The following MAGI2 variants were observed in gnomAD, a reference collection of about 807,000 sequenced individuals.
MAGI2 encodes membrane-associated guanylate kinase, WW and PDZ domain-containing protein 2.
MAGI2 carries 35 observed loss-of-function variants against 133.3 expected under a neutral mutation model. The ratio of observed to expected loss-of-function variants is 0.26; its 90% CI spans 0.20 to 0.35. MAGI2 has a LOEUF of 0.35. Among genes scored for constraint, MAGI2 ranks in the 10% least tolerant of loss-of-function variants. The pLI is 1.00. For synonymous variants in MAGI2, 729 were observed against 710.6 expected, an observed-to-expected ratio of 1.03 and a Z score of -0.41; for missense variants, 1,636 against 1,863.4, an observed-to-expected ratio of 0.88 and a Z score of 2.25.
chr7:79,161,340 T>C (rs1824336127), intron 1 of MAGI2, among the ~76,000 whole-genome samples: 1 of 152,006 alleles, frequency 6.6e-6, no homozygotes, highest in Non-Finnish European at 1.5e-5. Flanking sequence ...GGACAAATCC[T>C]CCAGTGCATG....
intron 1 of MAGI2, among the ~76,000 whole-genome samples, chr7:79,392,216 C>G (rs533993699): frequency 6.6e-6 from 1 of 152,128 alleles, no homozygotes; most frequent in African/African-American, 2.4e-5. Flanking sequence ...GCATAGTATT[C>G]CATGGTGTAC....
At chr7:78,135,486 G>A (rs1232650484) in intron 16 of MAGI2, among the ~76,000 whole-genome samples, 1 of 152,164 alleles carries the variant, frequency 6.6e-6, no homozygotes, top group East Asian at 1.9e-4. Flanking sequence ...TAAAAAGACA[G>A]CTATTTGGGC....
intron 3 of MAGI2, among the ~76,000 whole-genome samples, chr7:78,592,865 C>G (rs113575399): frequency 1.5e-5 from 2 of 132,812 alleles, no homozygotes; most frequent in Non-Finnish European, 3.1e-5. Context: ...GACAGGGTCT[C>G]GCTCTGTTGC....
At chr7:79,014,923 C>A (rs1808536314) in intron 1 of MAGI2, among the ~76,000 whole-genome samples, 1 of 152,086 alleles carries the variant, frequency 6.6e-6, no homozygotes, top group African/African-American at 2.4e-5. Context: ...AAAAATATCA[C>A]AATTGTTTTT....
chr7:79,277,936 G>A (rs1317136691), intron 1 of MAGI2, among the ~76,000 whole-genome samples: 2 of 152,062 alleles, frequency 1.3e-5, no homozygotes, highest in Non-Finnish European at 2.9e-5. Flanking sequence ...GTGACAATTA[G>A]CAAAAACAGG....
rs538296888 is a variant in MAGI2, at chr7:79,435,561, C to A, written c.301+17459G>T. ...TTAATTTATAGCATAATTAGTAGGACATACAGTTTAAAATACTCTACTTTT... is the reference window on the plus strand; with the variant it reads ...TTAATTTATAGCATAATTAGTAGGAAATACAGTTTAAAATACTCTACTTTT... On this transcript the variant is annotated intron_variant, in intron 1 of 21. Transcript: ENST00000354212. Among the ~76,000 whole-genome samples the A allele has an allele frequency of 2.6e-5, 4 of 152,206 alleles. No individual in the cohort carries two copies. The South Asian group carries it at 8.3e-4, about 32-fold the overall frequency.
intron 1 of MAGI2, among the ~76,000 whole-genome samples, chr7:79,322,630 C>T (rs1349819811): frequency 6.6e-6 from 1 of 151,756 alleles, no homozygotes; most frequent in Non-Finnish European, 1.5e-5. Flanking sequence ...ACTAAAAATA[C>T]AAAAATTAGC....
At chr7:78,932,325 G>GA (rs1305464752) in intron 2 of MAGI2, among the ~76,000 whole-genome samples, 1 of 152,070 alleles carries the variant, frequency 6.6e-6, no homozygotes, top group East Asian at 1.9e-4. Context: ...AGAAAAAGAG[G>GA]AAGCACTTAT....
intron 2 of MAGI2, among the ~76,000 whole-genome samples, chr7:78,942,204 A>G (rs1288737216): frequency 6.6e-6 from 1 of 152,150 alleles, no homozygotes; most frequent in African/African-American, 2.4e-5. Context: ...ATGATATACC[A>G]AATTTTGCCT....
At chr7:78,751,660 A>G (rs369071269) in intron 2 of MAGI2, among the ~76,000 whole-genome samples, 29 of 152,362 alleles carry the variant, frequency 1.9e-4, no homozygotes, top group African/African-American at 4.8e-4. Context: ...TCTGCTTTTG[A>G]TAATGGTGAA....
rs535766751 is a variant in MAGI2 at position 78,664,064 on chromosome 7, G to A, written c.419-36825C>T. On this transcript the variant is annotated intron_variant, in intron 2 of 21. Coordinates refer to ENST00000354212, the MANE Select transcript of MAGI2 (RefSeq NM_012301.4). ...CATAGTTTTTCAGTCTGTAGCAACTGGAGAACAAAATATGCAAAGGCTACC... is the reference window on the plus strand; with the variant it reads ...CATAGTTTTTCAGTCTGTAGCAACTAGAGAACAAAATATGCAAAGGCTACC... 1.5e-3 allele frequency among the ~76,000 whole-genome samples: 223 copies of A among 152,274 alleles called. 1 individual carries two copies. The highest frequency in any genetic ancestry group is 5.0e-3 in the African/African-American group (208 of 41,574).
At chr7:78,381,671 A>G (rs1353166435) in intron 6 of MAGI2, among the ~76,000 whole-genome samples, 1 of 152,190 alleles carries the variant, frequency 6.6e-6, no homozygotes, top group Non-Finnish European at 1.5e-5. Flanking sequence ...CACAAAAAGT[A>G]TATGCAAATG....
At chr7:78,150,922 C>G in intron 16 of MAGI2, among the ~76,000 whole-genome samples, 1 of 151,988 alleles carries the variant, frequency 6.6e-6, no homozygotes, top group East Asian at 1.9e-4. Context: ...TCTCTGCAGA[C>G]TTATTCTACA....
At chr7:78,685,647 T>TAG (rs1816210830) in intron 2 of MAGI2, among the ~76,000 whole-genome samples, 1 of 148,634 alleles carries the variant, frequency 6.7e-6, no homozygotes, top group Non-Finnish European at 1.5e-5. Flanking sequence ...AACCTATATA[T>TAG]ATATGTGTGT....
At chr7:79,141,739 C>T (rs1191475506) in intron 1 of MAGI2, among the ~76,000 whole-genome samples, 1 of 150,076 alleles carries the variant, frequency 6.7e-6, no homozygotes, top group Non-Finnish European at 1.5e-5. Context: ...TTCTCGTTGG[C>T]TTTGTTCGTG....
chr7:78,710,587 GGTACAATATCCTATTGATGAACC>G (rs1819087588), intron 2 of MAGI2, among the ~76,000 whole-genome samples: 1 of 152,026 alleles, frequency 6.6e-6, no homozygotes, highest in Admixed American at 6.6e-5. Context: ...TGCAAGGGTG[GGTACAATATCCTATTGATGAACC>G]GTAGTGATCA....
intron 1 of MAGI2, among the ~76,000 whole-genome samples, chr7:79,161,322 G>C (rs1824333460): frequency 6.6e-6 from 1 of 152,014 alleles, no homozygotes; most frequent in Non-Finnish European, 1.5e-5. Context: ...AAGCTGGAGT[G>C]CTAGTCGGGA....
chr7:78,612,271 T>A (rs543438279), intron 3 of MAGI2, among the ~76,000 whole-genome samples: 1 of 152,272 alleles, frequency 6.6e-6, no homozygotes, highest in Non-Finnish European at 1.5e-5. Flanking sequence ...TCTAATTCTA[T>A]AGTAAGGAAT....
intron 2 of MAGI2, among the ~76,000 whole-genome samples, chr7:79,005,168 TAA>T (rs113139881): frequency 0.081 from 12,293 of 152,142 alleles, 544 homozygotes; most frequent in African/African-American, 0.11. Flanking sequence ...TTTTATAATA[TAA>T]GTTAGAATCT....
Sources: gnomAD v4.1 joint callset for allele counts (sites outside exome capture counted in the v4.1 genomes callset) on GRCh38, gnomAD v4.1.1 for gene constraint, MANE v1.5 for transcripts, NCBI Gene and HGNC (gene_info 2026-07-23, HGNC 2026-07-21) for gene names.